Variants in OSBPL10 observed in about 807,000 individuals in gnomAD.
OSBPL10 encodes the protein oxysterol-binding protein-related protein 10.
A neutral mutation model predicts 81.7 loss-of-function variants in OSBPL10; 49 were observed. The observed-to-expected ratio is 0.60, with a 90% CI of 0.48 to 0.76. The LOEUF is 0.76. Ranked by LOEUF, OSBPL10 falls within the 30% of genes least tolerant of loss-of-function variation. OSBPL10 has a pLI of 0.00. For synonymous variants in OSBPL10, 419 were observed against 383.6 expected, an observed-to-expected ratio of 1.09 and a Z score of -1.08; for missense variants, 923 against 987.8, an observed-to-expected ratio of 0.93 and a Z score of 0.88.
At chr3:31,687,296 G>A (rs2125557096) in intron 7 of OSBPL10, among the ~76,000 whole-genome samples, 1 of 152,132 alleles carries the variant, frequency 6.6e-6, no homozygotes, top group Non-Finnish European at 1.5e-5. Context: ...GGGCTTCTGT[G>A]GCAATAATTC....
At chr3:31,958,123 C>T (rs1397333012) in intron 1 of OSBPL10, among the ~76,000 whole-genome samples, 1 of 152,170 alleles carries the variant, frequency 6.6e-6, no homozygotes, top group African/African-American at 2.4e-5. Flanking sequence ...CTCGGGCCAC[C>T]AGAATACCCT....
At position 31,940,216 on chromosome 3, in the gene OSBPL10, C is replaced by A. The variant is rs533805344; in HGVS notation, c.281+40683G>T. 1.2e-4 allele frequency among the ~76,000 whole-genome samples: 19 copies of A among 152,344 alleles called. 1 individual carries two copies. In the South Asian group the frequency reaches 3.9e-3, roughly 32 times the overall value. ...AATGTATAAGCAAACTGGGTGAACC[C>A]ATACAATGGAACACTACTCAGCAAT... is the stretch of plus-strand genomic sequence containing the variant. On this transcript the variant is annotated intron_variant, in intron 1 of 11. Transcript: ENST00000396556.
At chr3:31,831,883 T>G (rs910104368) in intron 3 of OSBPL10, among the ~76,000 whole-genome samples, 33 of 152,204 alleles carry the variant, frequency 2.2e-4, no homozygotes, top group African/African-American at 8.0e-4. Flanking sequence ...GAATGTATCC[T>G]CCAGACATAC....
At chr3:31,896,533 A>G (rs1696062589) in intron 1 of OSBPL10, among the ~76,000 whole-genome samples, 1 of 152,240 alleles carries the variant, frequency 6.6e-6, no homozygotes, top group African/African-American at 2.4e-5. Flanking sequence ...TGAAGAGCAG[A>G]GAGCCGTGCA....
intron 1 of OSBPL10, among the ~76,000 whole-genome samples, chr3:32,068,754 TTCCCAATGCAACTCA>T (rs1221461823): frequency 6.6e-6 from 1 of 152,024 alleles, no homozygotes; most frequent in Non-Finnish European, 1.5e-5. Flanking sequence ...CTAGTCTCTG[TTCCCAATGCAACTCA>T]TCCCAAAGCC....
At chr3:32,016,447 G>A (rs917981708) in intron 2 of OSBPL10, among the ~76,000 whole-genome samples, 1 of 152,110 alleles carries the variant, frequency 6.6e-6, no homozygotes, top group Non-Finnish European at 1.5e-5. Flanking sequence ...GGCCTGTTGT[G>A]GGGTTGGGGG....
At chr3:31,902,064 A>G (rs1326496238) in intron 1 of OSBPL10, among the ~76,000 whole-genome samples, 1 of 152,290 alleles carries the variant, frequency 6.6e-6, no homozygotes, top group Non-Finnish European at 1.5e-5. Context: ...AGGGCATTTA[A>G]TAAGTATTTA....
chr3:31,850,254 A>C (rs1231245319), intron 3 of OSBPL10, among the ~76,000 whole-genome samples: 1 of 152,156 alleles, frequency 6.6e-6, no homozygotes, highest in Non-Finnish European at 1.5e-5. Flanking sequence ...GGATCTCTTA[A>C]GCCCAGGAGT....
intron 6 of OSBPL10, among the ~76,000 whole-genome samples, chr3:31,728,558 C>A (rs181748229): frequency 3.9e-5 from 6 of 152,322 alleles, no homozygotes; most frequent in African/African-American, 1.4e-4. Context: ...CCCATACATA[C>A]TATTCAATGC....
At chr3:32,026,133 T>C (rs1699411182) in intron 2 of OSBPL10, among the ~76,000 whole-genome samples, 2 of 151,178 alleles carry the variant, frequency 1.3e-5, no homozygotes, top group South Asian at 4.2e-4. Context: ...GAGATAGAGA[T>C]AGAGATATAT....
intron 6 of OSBPL10, chr3:31,718,035 G>C (rs892662113): frequency 6.6e-6 from 1 of 152,078 alleles, no homozygotes; most frequent in Non-Finnish European, 1.5e-5. Context: ...AGATACAACT[G>C]TGCTCAGGTA....
chr3:31,792,852 T>C (rs927149892), intron 4 of OSBPL10, among the ~76,000 whole-genome samples: 10 of 125,448 alleles, frequency 8.0e-5, no homozygotes, highest in Non-Finnish European at 1.3e-4. Flanking sequence ...CTCAGCTATC[T>C]AGGCACTCTG....
chr3:31,917,796 AAGTATG>A (rs1345522884), intron 1 of OSBPL10, among the ~76,000 whole-genome samples: 1 of 151,144 alleles, frequency 6.6e-6, no homozygotes, highest in African/African-American at 2.4e-5. Flanking sequence ...AGAGCTGCTG[AAGTATG>A]AGGCTGACTT....
intron 2 of OSBPL10, among the ~76,000 whole-genome samples, chr3:32,021,979 G>GA (rs35470488): frequency 0.95 from 137,437 of 145,368 alleles, 65,165 homozygotes; most frequent in East Asian, 0.99. Context: ...AATCTGTCTC[G>GA]AAAAAAAAAA....
intron 6 of OSBPL10, among the ~76,000 whole-genome samples, chr3:31,722,362 C>T (rs1696671900): frequency 6.6e-6 from 1 of 152,052 alleles, no homozygotes; most frequent in South Asian, 2.1e-4. Flanking sequence ...GAGCACCTGC[C>T]CCTCATGTCT....
chr3:31,710,017 G>C (rs936162), intron 6 of OSBPL10, among the ~76,000 whole-genome samples: 66,718 of 152,112 alleles, frequency 0.44, 17,332 homozygotes, highest in Middle Eastern at 0.62. Flanking sequence ...ATGAGTATTT[G>C]GGATAAAAGT....
chr3:31,793,987 G>C (rs955337606), intron 4 of OSBPL10, among the ~76,000 whole-genome samples: 1 of 152,186 alleles, frequency 6.6e-6, no homozygotes, highest in African/African-American at 2.4e-5. Flanking sequence ...ATGTTGGTTG[G>C]TGTCGAGTGT....
intron 6 of OSBPL10, among the ~76,000 whole-genome samples, chr3:31,719,403 T>C (rs1470059389): frequency 1.3e-5 from 2 of 152,150 alleles, no homozygotes; most frequent in Non-Finnish European, 2.9e-5. Flanking sequence ...TTGAAAAATA[T>C]GCAAAGACTA....
intron 4 of OSBPL10, chr3:31,794,826 G>A: frequency 2.8e-6 from 1 of 354,918 alleles, no homozygotes; most frequent in South Asian, 2.8e-5. Flanking sequence ...AGCAGAAACT[G>A]AACAGGAGTG....
Sources: gnomAD v4.1 joint callset for allele counts (sites outside exome capture counted in the v4.1 genomes callset) on GRCh38, gnomAD v4.1.1 for gene constraint, MANE v1.5 for transcripts, NCBI Gene and HGNC (gene_info 2026-07-23, HGNC 2026-07-21) for gene names.